VAT1L: variants seen among roughly 807,000 people sequenced by gnomAD.
VAT1L encodes vesicle amine transport 1 like, also known as putative NADPH-dependent quinone oxidoreductase VAT1L.
Under a neutral mutation model 44.1 loss-of-function variants are expected in VAT1L, and 34 were observed. The ratio of observed to expected loss-of-function variants is 0.77; its 90% confidence interval spans 0.59 to 1.03. The LOEUF (loss-of-function observed/expected upper bound fraction) is 1.03. Among genes scored for constraint, VAT1L ranks in the 50% least tolerant of loss-of-function variants. The probability of loss-of-function intolerance (pLI) is 0.00; values close to 1 mark genes in which losing one functional copy is unlikely to be tolerated. For synonymous variants in VAT1L, 253 were observed against 202.2 expected (o/e 1.25, Z -2.13); for missense variants, 615 against 538.8 (o/e 1.14, Z -1.40).
chr16:77,910,346 T>G (rs530555610), intron 7 of VAT1L, among the ~76,000 whole-genome samples: 1 of 152,180 alleles, frequency 6.6e-6, no homozygotes, highest in Non-Finnish European at 1.5e-5. Flanking sequence ...TCCTAGTAGT[T>G]TGGAAATTCA....
chr16:77,875,670 G>A (rs1346300402), intron 4 of VAT1L, among the ~76,000 whole-genome samples: 1 of 152,212 alleles, frequency 6.6e-6, no homozygotes, highest in East Asian at 1.9e-4. Context: ...GTCTAATGCA[G>A]TACAAATGTG....
intron 4 of VAT1L, among the ~76,000 whole-genome samples, chr16:77,864,557 G>C (rs1014949559): frequency 1.2e-4 from 18 of 152,346 alleles, no homozygotes; most frequent in Admixed American, 1.1e-3. Context: ...AGTGAGCTGA[G>C]ATCATGCCAC....
chr16:77,922,763 G>T (rs2017625835), intron 7 of VAT1L, among the ~76,000 whole-genome samples: 1 of 152,130 alleles, frequency 6.6e-6, no homozygotes, highest in South Asian at 2.1e-4. Context: ...TAAAAACGGT[G>T]AGGAACAGAG....
At chr16:77,802,615 AACACACACACACACACACACACAC>A (rs57906062) in intron 1 of VAT1L, among the ~76,000 whole-genome samples, 12 of 112,046 alleles carry the variant, frequency 1.1e-4, no homozygotes, top group Middle Eastern at 4.3e-3. Flanking sequence ...CCCCATCTCA[AACACACACACACACACACACACAC>A]ACACACACAC....
intron 3 of VAT1L, among the ~76,000 whole-genome samples, chr16:77,852,258 C>T (rs1168570854): frequency 6.6e-6 from 1 of 152,216 alleles, no homozygotes; most frequent in Non-Finnish European, 1.5e-5. Context: ...TCCCGTAGGC[C>T]CGGGCTCATG....
chr16:77,879,312 G>C lies in VAT1L; in HGVS notation c.882+88G>C. On this transcript the variant is annotated intron_variant, in intron 6 of 8. Coordinates refer to ENST00000302536, the MANE Select transcript of VAT1L (RefSeq NM_020927.3). This position sits in a 1 kb window ranked among gnomAD's most constrained non-coding sequence, Gnocchi z 4.1. ...GTTTTTGTTTGTTTGTTTGTTTTGA[G>C]ACAGCGTCTCGTTCTGTCACCAGGC... is the stretch of plus-strand genomic sequence containing the variant. 1.4e-6 allele frequency: 2 copies of C among 1,442,704 alleles called. No individual in the cohort carries two copies. Among genetic ancestry groups the C allele is most frequent in the Non-Finnish European group, 1.9e-6 (2 of 1,026,512 alleles). The allele number at this position is 1,442,704 out of a possible 1,614,324, so 89.4% of individuals were successfully genotyped here.
intron 7 of VAT1L, among the ~76,000 whole-genome samples, chr16:77,909,959 G>T (rs192146546): frequency 9.8e-5 from 15 of 152,296 alleles, no homozygotes; most frequent in African/African-American, 3.4e-4. Flanking sequence ...GAAGAATTCA[G>T]TTTGAAACCA....
At chr16:77,797,347 G>A (rs961156747) in intron 1 of VAT1L, among the ~76,000 whole-genome samples, 1 of 152,120 alleles carries the variant, frequency 6.6e-6, no homozygotes, top group Non-Finnish European at 1.5e-5. Flanking sequence ...CTGACCTCAG[G>A]TGATCCGCCT....
At chr16:77,863,650 C>T (rs1421284448) in intron 4 of VAT1L, among the ~76,000 whole-genome samples, 1 of 152,130 alleles carries the variant, frequency 6.6e-6, no homozygotes, top group African/African-American at 2.4e-5. Context: ...TGCATGCATA[C>T]TGAGGAATGC....
At chr16:77,914,616 A>G (rs1408178745) in intron 7 of VAT1L, among the ~76,000 whole-genome samples, 1 of 152,268 alleles carries the variant, frequency 6.6e-6, no homozygotes, top group Non-Finnish European at 1.5e-5. Context: ...TGAAATTTGT[A>G]TGATGGTAAG....
chr16:77,825,255 C>T lies in VAT1L; in HGVS notation c.373C>T (p.Arg125Cys), dbSNP rs770893713. ...GTTTCCCCATGCCCAGATTGGAGAC[C>T]GTGTCATGGCATTTGTCAATTACAA... ...DSVKGYEIGDRVMAFVNYNAW... is the reference protein window; with the variant it reads ...DSVKGYEIGDCVMAFVNYNAW... The change falls in exon 3 of 9, where the codon CGT becomes TGT. Residue 125 changes from arginine to cysteine, a missense_variant. Transcript: ENST00000302536. 1.5e-5 allele frequency: 25 copies of T among 1,613,956 alleles called. No individual in the cohort carries two copies. The highest frequency in any genetic ancestry group is 2.1e-5 in the Non-Finnish European group (25 of 1,180,044).
Position 77,968,609 on chromosome 16 carries a change from C to A in VAT1L, c.1078-3241C>A, listed in dbSNP as rs190177217. On this transcript the variant is annotated intron_variant, in intron 7 of 8. Coordinates refer to ENST00000302536, the MANE Select transcript of VAT1L (RefSeq NM_020927.3). ...GCGTGGTGGCAGGCGCCTGTAGTCC[C>A]AGCTACTCAGGAAGTTGAGGCTGGA... Among the ~76,000 whole-genome samples, 3 of 152,054 alleles carry A rather than the reference C, an allele frequency of 2.0e-5. No homozygotes were observed. In the East Asian group the frequency reaches 5.9e-4, roughly 30 times the overall value.
intron 3 of VAT1L, among the ~76,000 whole-genome samples, chr16:77,839,866 G>C (rs1036753162): frequency 3.9e-5 from 6 of 152,182 alleles, no homozygotes; most frequent in African/African-American, 1.4e-4. Context: ...ATTAAATATG[G>C]ATTTAAAGAA....
Position 77,876,375 on chromosome 16 carries a change from C to G in VAT1L, c.728C>G (p.Ser243Cys). 1 of 1,614,164 alleles carries G rather than the reference C, an allele frequency of 6.2e-7. No individual in the cohort carries two copies. The highest frequency in any genetic ancestry group is 8.5e-7 in the Non-Finnish European group (1 of 1,180,008). ...ADYVQEVKRISAEGVDIVLDC... is the reference protein window; with the variant it reads ...ADYVQEVKRICAEGVDIVLDC... The stretch of plus-strand genomic sequence containing the variant: ...TTTGCCTTCTCACCATTTAGAATCT[C>G]TGCTGAAGGTGTGGACATCGTTTTG... The change falls in exon 5 of 9, where the codon TCT becomes TGT. Residue 243 changes from serine (S) to cysteine (C), a missense_variant. Ser to Cys is a moderately radical substitution (Grantham distance 112). Coordinates refer to ENST00000302536, the MANE Select transcript of VAT1L (RefSeq NM_020927.3).
chr16:77,808,250 G>A (rs1464857369), intron 1 of VAT1L, among the ~76,000 whole-genome samples: 1 of 152,064 alleles, frequency 6.6e-6, no homozygotes, highest in African/African-American at 2.4e-5. Context: ...AGGGATCTAG[G>A]TTGTGTACTT....
At position 77,862,733 on chromosome 16, in the gene VAT1L, G is replaced by A. The variant is rs746699017; in HGVS notation, c.580-15G>A. 12 of 1,594,104 alleles carry A rather than the reference G, an allele frequency of 7.5e-6. No homozygotes were observed. The highest frequency in any genetic ancestry group is 3.4e-5 in the Admixed American group (2 of 58,890). ...GGCTCCTATGTGTGACATAGCTATT[G>A]TCTTTTCCTTCCAGGGTCAAGCTGT... On this transcript the variant is annotated splice_polypyrimidine_tract_variant and intron_variant, in intron 3 of 8. Coordinates refer to ENST00000302536, the MANE Select transcript of VAT1L (RefSeq NM_020927.3).
chr16:77,874,839 TA>T (rs769810512), intron 4 of VAT1L, among the ~76,000 whole-genome samples: 6,413 of 87,676 alleles, frequency 0.073, 144 homozygotes, highest in African/African-American at 0.13. Context: ...AATTAATTTG[TA>T]AAAAAAAAAA....
chr16:77,927,777 G>C (rs1445096699), intron 7 of VAT1L, among the ~76,000 whole-genome samples: 1 of 152,042 alleles, frequency 6.6e-6, no homozygotes, highest in Admixed American at 6.6e-5. Context: ...GATGAGGCAG[G>C]AGAATCGCTT....
chr16:77,905,683 TTG>T (rs1423687203), intron 7 of VAT1L, among the ~76,000 whole-genome samples: 3 of 152,186 alleles, frequency 2.0e-5, no homozygotes, highest in Admixed American at 6.5e-5. Flanking sequence ...TGTAGGTTTG[TTG>T]TGTTACAGCA....
Sources: allele counts gnomAD v4.1 joint callset (sites outside exome capture counted in the v4.1 genomes callset), GRCh38; gene constraint gnomAD v4.1.1; non-coding constraint Gnocchi (gnomAD v3.1); transcripts MANE v1.5; gene names NCBI Gene and HGNC (gene_info 2026-07-23, HGNC 2026-07-21).